Variants in FOXN3 observed in about 807,000 individuals in gnomAD.
FOXN3 encodes the protein forkhead box N3, also known as forkhead box protein N3.
FOXN3 carries 7 observed loss-of-function variants against 38.4 expected under a neutral mutation model. The observed-to-expected ratio is 0.18, with a 90% CI of 0.10 to 0.34. The LOEUF is 0.34. FOXN3 is among the 10% of genes least tolerant of loss of function. FOXN3 has a pLI of 1.00. For synonymous variants in FOXN3, 230 were observed against 242.2 expected (o/e 0.95, Z 0.47); for missense variants, 456 against 613.4 (o/e 0.74, Z 2.71).
At chr14:89,579,935 G>A (rs1168323122) in intron 1 of FOXN3, among the ~76,000 whole-genome samples, 1 of 151,982 alleles carries the variant, frequency 6.6e-6, no homozygotes, top group Non-Finnish European at 1.5e-5. Context: ...AATACATAAA[G>A]GAATAAATAT....
intron 1 of FOXN3, among the ~76,000 whole-genome samples, chr14:89,615,617 G>A (rs1281571182): frequency 6.6e-6 from 1 of 152,152 alleles, no homozygotes; most frequent in African/African-American, 2.4e-5. Context: ...CCTTCAGTTT[G>A]TAAAAACAAG....
intron 2 of FOXN3, among the ~76,000 whole-genome samples, chr14:89,396,316 G>A (rs186124719): frequency 6.6e-6 from 1 of 152,328 alleles, no homozygotes; most frequent in Admixed American, 6.5e-5. Context: ...AAGAAGAGGT[G>A]AAGCAATGCA....
intron 3 of FOXN3, among the ~76,000 whole-genome samples, chr14:89,303,621 T>C (rs1887288837): frequency 1.3e-5 from 2 of 152,184 alleles, no homozygotes; most frequent in South Asian, 4.1e-4. Context: ...GTCGCATGGC[T>C]AGTAAGTGAC....
chr14:89,385,499 TAAAAAAA>T (rs10681650), intron 2 of FOXN3, among the ~76,000 whole-genome samples: 1 of 108,836 alleles, frequency 9.2e-6, no homozygotes, highest in Non-Finnish European at 1.8e-5. Context: ...GGCAAACATT[TAAAAAAA>T]AAAAAAAAAA....
intron 4 of FOXN3, among the ~76,000 whole-genome samples, chr14:89,213,347 A>AC (rs1884160351): frequency 6.6e-6 from 1 of 152,250 alleles, no homozygotes; most frequent in South Asian, 2.1e-4. Context: ...GCTCATTCTT[A>AC]GAGGCAGGCA....
At chr14:89,527,809 C>T (rs529625449) in intron 1 of FOXN3, among the ~76,000 whole-genome samples, 1 of 151,462 alleles carries the variant, frequency 6.6e-6, no homozygotes, top group South Asian at 2.1e-4. Context: ...TCAAGCAATT[C>T]TCCTGCCTCA....
intron 4 of FOXN3, among the ~76,000 whole-genome samples, chr14:89,201,029 T>C (rs1025320220): frequency 1.3e-5 from 2 of 152,356 alleles, no homozygotes; most frequent in East Asian, 1.9e-4. Context: ...AGAGCCATTA[T>C]TGAAGAGGCA....
Position 89,537,259 on chromosome 14 carries a change from C to T in FOXN3, c.-15+81769G>A, listed in dbSNP as rs147458961. ...GATTCCCGGTGGATTCCATGAAATG[C>T]TTGGTGGATGAATAAGTGGATGGAT... is the stretch of plus-strand genomic sequence containing the variant. On this transcript the variant is annotated intron_variant, in intron 1 of 6. Transcript: ENST00000345097. Among the ~76,000 whole-genome samples, 341 of 152,250 alleles carry T rather than the reference C, an allele frequency of 2.2e-3. 1 individual carries two copies. Among genetic ancestry groups the T allele is most frequent in the Non-Finnish European group, 3.8e-3 (258 of 68,020 alleles).
chr14:89,469,285 C>T (rs1283971998), intron 1 of FOXN3, among the ~76,000 whole-genome samples: 2 of 152,104 alleles, frequency 1.3e-5, no homozygotes, highest in African/African-American at 4.8e-5. Flanking sequence ...CAGCCATCGG[C>T]CAATCCCTGC....
chr14:89,358,565 G>A (rs184056360), intron 2 of FOXN3, among the ~76,000 whole-genome samples: 5 of 152,266 alleles, frequency 3.3e-5, no homozygotes, highest in Admixed American at 2.0e-4. Context: ...TCCCCACCCC[G>A]GGTCTTAGTT....
upstream of FOXN3, chr14:89,417,913 G>T: frequency 2.9e-6 from 1 of 348,840 alleles, no homozygotes; most frequent in South Asian, 2.1e-5. Context: ...TCTCAAGTGG[G>T]TTGTGCGGAA....
intron 1 of FOXN3, among the ~76,000 whole-genome samples, chr14:89,485,012 C>T (rs1261754318): frequency 7.2e-5 from 11 of 151,894 alleles, no homozygotes; most frequent in African/African-American, 2.7e-4. Context: ...ATTAGCCGGG[C>T]GTGGTGGTGG....
intron 4 of FOXN3, among the ~76,000 whole-genome samples, chr14:89,215,238 A>C (rs1884234247): frequency 6.6e-6 from 1 of 151,968 alleles, no homozygotes; most frequent in African/African-American, 2.4e-5. Context: ...AAAAAAAAGA[A>C]GTGCTGCTTT....
intron 3 of FOXN3, among the ~76,000 whole-genome samples, chr14:89,308,125 C>T (rs796168274): frequency 1.3e-5 from 2 of 152,172 alleles, no homozygotes; most frequent in African/African-American, 4.8e-5. Flanking sequence ...TTTAGCCAGG[C>T]GTGGTGGCAC....
In FOXN3 at chr14:89,608,437, G is replaced by A. The variant is rs192750185; in HGVS notation, c.-15+10591C>T. On this transcript the variant is annotated intron_variant, in intron 1 of 6. Coordinates refer to the FOXN3 transcript ENST00000345097. The stretch of plus-strand genomic sequence containing the variant: ...TTACAGGCGTGGGCCACCGCGCCCG[G>A]CCTATACATGCTATCTTATAAAAAC... Among the ~76,000 whole-genome samples, 545 of 152,370 alleles carry A rather than the reference G, an allele frequency of 3.6e-3. 6 individuals are homozygous for A. Among genetic ancestry groups the A allele is most frequent in the African/African-American group, 0.013 (532 of 41,568 alleles).
intron 1 of FOXN3, among the ~76,000 whole-genome samples, chr14:89,497,227 T>C (rs1427778699): frequency 1.3e-5 from 2 of 152,060 alleles, no homozygotes; most frequent in African/African-American, 4.8e-5. Context: ...AGTGCTGGGA[T>C]TACAGGCGTG....
intron 1 of FOXN3, among the ~76,000 whole-genome samples, chr14:89,557,192 C>T (rs995280919): frequency 1.7e-4 from 26 of 152,174 alleles, no homozygotes; most frequent in African/African-American, 6.3e-4. Flanking sequence ...TGAACTCACA[C>T]CTTTAGCAAA....
In FOXN3 at chr14:89,618,762, C is replaced by T. The variant is rs530438330; in HGVS notation, c.-15+266G>A. On this transcript the variant is annotated intron_variant, in intron 1 of 6. Coordinates refer to the FOXN3 transcript ENST00000345097. ...AAATTTTAAAAAGCGACTATCCACA[C>T]ATTCCTAAGAAACTTTTTTTTTTTT... Among the ~76,000 whole-genome samples, 32 of 147,222 alleles carry T rather than the reference C, an allele frequency of 2.2e-4. 1 individual carries two copies. The South Asian group carries it at 7.0e-3, about 32-fold the overall frequency.
chr14:89,483,096 A>G (rs545458307), intron 1 of FOXN3, among the ~76,000 whole-genome samples: 1 of 152,136 alleles, frequency 6.6e-6, no homozygotes, highest in East Asian at 1.9e-4. Context: ...AATCCCAGCT[A>G]CTCGGGGGAC....
Sources: allele counts gnomAD v4.1 joint callset (sites outside exome capture counted in the v4.1 genomes callset), GRCh38; gene constraint gnomAD v4.1.1; transcripts MANE v1.5; gene names NCBI Gene and HGNC (gene_info 2026-07-23, HGNC 2026-07-21).